Variants in ARPP19 observed in about 807,000 individuals in gnomAD.
The protein encoded by ARPP19 is cAMP-regulated phosphoprotein 19.
A neutral mutation model predicts 12.0 loss-of-function variants in ARPP19; 8 were observed. That is an observed-to-expected ratio of 0.67 (90% confidence interval 0.39 to 1.21). The LOEUF (loss-of-function observed/expected upper bound fraction) is 1.21. Ranked by LOEUF, ARPP19 falls within the 50% of genes most tolerant of loss-of-function variation. The pLI is 0.01. For synonymous variants in ARPP19, 47 were observed against 50.4 expected (o/e 0.93, Z 0.29); for missense variants, 102 against 136.3 (o/e 0.75, Z 1.25).
chr15:52,560,428 A>G (rs2078021855), intron 1 of ARPP19, among the ~76,000 whole-genome samples: 1 of 152,248 alleles, frequency 6.6e-6, no homozygotes, highest in Non-Finnish European at 1.5e-5. Context: ...TGAATTTATA[A>G]CATGTCTTAG....
intron 2 of ARPP19, among the ~76,000 whole-genome samples, chr15:52,554,870 A>G (rs1047271904): frequency 2.6e-4 from 40 of 152,150 alleles, no homozygotes; most frequent in African/African-American, 9.2e-4. Flanking sequence ...AAGCCTAATA[A>G]TAACATTAAC....
intron 1 of ARPP19, among the ~76,000 whole-genome samples, chr15:52,562,781 A>G (rs2078046459): frequency 6.6e-6 from 1 of 152,128 alleles, no homozygotes; most frequent in Admixed American, 6.6e-5. Flanking sequence ...GCCCAAAGAA[A>G]ATGGAGAAAT....
chr15:52,552,288 G>C (rs985068975), intron 2 of ARPP19, among the ~76,000 whole-genome samples, 184 bp from the exon 3 acceptor site: 1 of 152,080 alleles, frequency 6.6e-6, no homozygotes, highest in Non-Finnish European at 1.5e-5. Flanking sequence ...CCCCCCTTCA[G>C]ACTGGGCACA....
chr15:52,555,007 T>C (rs998699721), intron 2 of ARPP19, among the ~76,000 whole-genome samples: 7 of 152,026 alleles, frequency 4.6e-5, no homozygotes, highest in Admixed American at 1.3e-4. Flanking sequence ...GTTTGCTAAC[T>C]AGTGATAGAG....
At position 52,552,869 on chromosome 15, in the gene ARPP19, G is replaced by A. The variant is rs187735248; in HGVS notation, c.169-765C>T. ...TGGATCACTTGAGGTCAGAGGTCAG[G>A]AGTTTGAAACCAGAACGGCCAATAT... is the stretch of plus-strand genomic sequence containing the variant. On this transcript the variant is annotated intron_variant, in intron 2 of 2. Transcript: ENST00000249822. 3.2e-3 allele frequency among the ~76,000 whole-genome samples: 492 copies of A among 152,212 alleles called. 2 individuals carry two copies. The highest frequency in any genetic ancestry group is 5.0e-3 in the Admixed American group (76 of 15,296).
At chr15:52,563,327 G>A (rs1566898133) in intron 1 of ARPP19, among the ~76,000 whole-genome samples, 1 of 152,094 alleles carries the variant, frequency 6.6e-6, no homozygotes, top group Admixed American at 6.5e-5. Context: ...GTCCGCAGAA[G>A]GCAGAATTCT....
chr15:52,565,038 C>CTT (rs543075410), intron 1 of ARPP19, among the ~76,000 whole-genome samples: 13 of 137,188 alleles, frequency 9.5e-5, no homozygotes, highest in East Asian at 4.2e-4. Flanking sequence ...AAATTACCAT[C>CTT]TTTTTTTTTT....
At chr15:52,567,012 T>C (rs79565474) in intron 1 of ARPP19, among the ~76,000 whole-genome samples, 2 of 152,290 alleles carry the variant, frequency 1.3e-5, no homozygotes, top group East Asian at 3.9e-4. Context: ...GAAGGTCAAT[T>C]GGGTACACAG....
intron 1 of ARPP19, among the ~76,000 whole-genome samples, chr15:52,566,002 G>A (rs892828307): frequency 4.6e-5 from 7 of 151,962 alleles, no homozygotes; most frequent in African/African-American, 1.7e-4. Context: ...CTACAGGTGC[G>A]TGCCACCACA....
intron 1 of ARPP19, among the ~76,000 whole-genome samples, chr15:52,561,934 C>CTTTTT (rs11340086): frequency 4.2e-4 from 53 of 126,948 alleles, no homozygotes; most frequent in Non-Finnish European, 6.0e-4. Flanking sequence ...AGTGCACCTA[C>CTTTTT]TTTTTTTTTT....
At chr15:52,559,924 G>A (rs762173984) in intron 1 of ARPP19, among the ~76,000 whole-genome samples, 12 of 152,186 alleles carry the variant, frequency 7.9e-5, no homozygotes, top group Non-Finnish European at 1.2e-4. Flanking sequence ...TTCAAATTAA[G>A]GGTGTTACTG....
rs551613707 is a variant in ARPP19 at position 52,547,144 on chromosome 15, T to C, written c.*4790A>G. ...GATTACAAGTCAGTTTCTTCCTGCA[T>C]ACAGTAATAGCTGAAATGTAAAGAG... On this transcript the variant is annotated 3_prime_UTR_variant, in exon 3 of 3. Coordinates refer to ENST00000249822, the MANE Select transcript of ARPP19 (RefSeq NM_006628.6). The C allele has an allele frequency of 6.1e-5, 9 of 147,970 alleles. No individual in the cohort carries two copies. The highest frequency in any genetic ancestry group is 2.2e-4 in the African/African-American group (9 of 40,528). The allele number at this position is 147,970 out of a possible 1,614,324, so 9.2% of individuals were successfully genotyped here. A position where few individuals can be genotyped will look rare whatever the true frequency, so the allele number is the denominator to read the frequency against.
intron 1 of ARPP19, among the ~76,000 whole-genome samples, chr15:52,565,510 C>T (rs1287283923): frequency 3.3e-5 from 5 of 152,206 alleles, no homozygotes; most frequent in African/African-American, 1.2e-4. Flanking sequence ...CACCACGTTG[C>T]ATCTAAGTAG....
chr15:52,560,189 T>C (rs2078019212), intron 1 of ARPP19, among the ~76,000 whole-genome samples: 1 of 152,100 alleles, frequency 6.6e-6, no homozygotes. Flanking sequence ...TTTTCTTTTT[T>C]TTTTGCCATG....
Position 52,550,317 on chromosome 15 carries a change from A to G in ARPP19, c.*1617T>C, listed in dbSNP as rs1444994659. On this transcript the variant is annotated 3_prime_UTR_variant, in exon 3 of 3. Transcript: ENST00000249822. The stretch of plus-strand genomic sequence containing the variant: ...GTGACATCTACAGAAGCAAACATCT[A>G]AACATTTTTAATAGGAGTTTTACCT... 6.6e-6 allele frequency: 1 copy of G among 152,222 alleles called. No individual in the cohort carries two copies. The highest frequency in any genetic ancestry group is 1.5e-5 in the Non-Finnish European group (1 of 68,036). The allele number at this position is 152,222 out of a possible 1,614,324, so 9.4% of individuals were successfully genotyped here. A position where few individuals can be genotyped will look rare whatever the true frequency, so the allele number is the denominator to read the frequency against.
chr15:52,553,806 T>C (rs758893613), intron 2 of ARPP19, among the ~76,000 whole-genome samples: 2 of 152,366 alleles, frequency 1.3e-5, no homozygotes, highest in Non-Finnish European at 1.5e-5. Flanking sequence ...TATAAGACTA[T>C]TGAGTGGCCT....
At chr15:52,560,409 T>TA (rs752103478) in intron 1 of ARPP19, among the ~76,000 whole-genome samples, 13 of 152,238 alleles carry the variant, frequency 8.5e-5, no homozygotes, top group Non-Finnish European at 1.5e-4. Flanking sequence ...ATGTCATTTA[T>TA]ATTTAGAATG....
rs1370254172 is a variant in ARPP19, at chr15:52,550,430, T to A, written c.*1504A>T. 1.3e-5 allele frequency: 2 copies of A among 152,246 alleles called. No homozygotes were observed. The highest frequency in any genetic ancestry group is 2.9e-5 in the Non-Finnish European group (2 of 68,042). The allele number at this position is 152,246 out of a possible 1,614,324, so 9.4% of individuals were successfully genotyped here. A position where few individuals can be genotyped will look rare whatever the true frequency, so the allele number is the denominator to read the frequency against. On this transcript the variant is annotated 3_prime_UTR_variant, in exon 3 of 3. Coordinates refer to ENST00000249822, the MANE Select transcript of ARPP19 (RefSeq NM_006628.6). ...TAATTTACCAAAATTCAGCTCATCTTGACATAGGTTCTTGAGCCAGTATTC... is the reference window on the plus strand; with the variant it reads ...TAATTTACCAAAATTCAGCTCATCTAGACATAGGTTCTTGAGCCAGTATTC...
At chr15:52,554,529 T>C (rs2077964565) in intron 2 of ARPP19, among the ~76,000 whole-genome samples, 1 of 152,146 alleles carries the variant, frequency 6.6e-6, no homozygotes, top group South Asian at 2.1e-4. Context: ...TTCATGAGTT[T>C]GTAATGAAAA....
Sources: gnomAD v4.1 joint callset for allele counts (sites outside exome capture counted in the v4.1 genomes callset) on GRCh38, gnomAD v4.1.1 for gene constraint, MANE v1.5 for transcripts, NCBI Gene and HGNC (gene_info 2026-07-23, HGNC 2026-07-21) for gene names.